KANK1: variants seen among roughly 807,000 people sequenced by gnomAD.
KANK1 encodes KN motif and ankyrin repeat domain-containing protein 1.
A neutral mutation model predicts 106.2 loss-of-function variants in KANK1; 109 were observed. The ratio of observed to expected loss-of-function variants is 1.03; its 90% CI spans 0.88 to 1.20. The LOEUF is 1.20. KANK1 is among the 50% of genes most tolerant of loss of function. KANK1 has a pLI of 0.00. For synonymous variants in KANK1, 873 were observed against 652.2 expected (o/e 1.34, Z -5.16); for missense variants, 2,399 against 1,710.7 (o/e 1.40, Z -7.10).
chr9:491,939 C>G (rs544175579), intron 3 of KANK1: 19 of 152,358 alleles, frequency 1.2e-4, no homozygotes, highest in African/African-American at 4.3e-4. Flanking sequence ...ACGTGAGTTA[C>G]TTCTCCTTGC....
chr9:745,075 C>T (rs1338654486), intron 11 of KANK1, 98 bp from the exon 12 acceptor site: 3 of 1,547,040 alleles, frequency 1.9e-6, no homozygotes, highest in Non-Finnish European at 2.6e-6. Context: ...CTCACAGCTG[C>T]TTGTTGCCTG....
Position 649,047 on chromosome 9 carries a change from G to A in KANK1, c.-83-27843G>A, listed in dbSNP as rs75371922. On this transcript the variant is annotated intron_variant, in intron 1 of 11. Coordinates refer to ENST00000382297, the MANE Select transcript of KANK1 (RefSeq NM_015158.5). ...AGCACAGCTTCATCTGACATCTGAC[G>A]TTATTGTCAGCCTTTCTTAGTACCC... Among the ~76,000 whole-genome samples, 603 of 152,198 alleles carry A rather than the reference G, an allele frequency of 4.0e-3. 1 individual carries two copies. Among genetic ancestry groups the A allele is most frequent in the African/African-American group, 0.014 (565 of 41,494 alleles).
chr9:737,358 T>G (rs1233148789), intron 7 of KANK1, among the ~76,000 whole-genome samples: 1 of 152,248 alleles, frequency 6.6e-6, no homozygotes, highest in East Asian at 1.9e-4. Flanking sequence ...GAGGACTTCT[T>G]GGGTTCTGGT....
intron 1 of KANK1, among the ~76,000 whole-genome samples, chr9:585,725 C>T (rs748254990): frequency 2.0e-5 from 3 of 151,992 alleles, no homozygotes; most frequent in Non-Finnish European, 4.4e-5. Flanking sequence ...GCTGGGGCTT[C>T]GGATTCAAAC....
intron 3 of KANK1, among the ~76,000 whole-genome samples, chr9:488,764 C>G (rs2058333533): frequency 6.6e-6 from 1 of 152,164 alleles, no homozygotes; most frequent in East Asian, 1.9e-4. Context: ...TATGTACAAT[C>G]TCAAGCAGTG....
upstream of KANK1, among the ~76,000 whole-genome samples, chr9:502,717 G>T (rs150705011): frequency 1.3e-5 from 2 of 152,172 alleles, no homozygotes; most frequent in East Asian, 3.9e-4. Context: ...GTAGACATGG[G>T]GTTTCACCAT....
At chr9:619,303 A>C (rs997528510) in intron 1 of KANK1, among the ~76,000 whole-genome samples, 2 of 152,226 alleles carry the variant, frequency 1.3e-5, no homozygotes, top group African/African-American at 4.8e-5. Context: ...CACACTGTTT[A>C]GTTTATCTAG....
chr9:726,827 G>T (rs910800193), intron 3 of KANK1, among the ~76,000 whole-genome samples: 6 of 152,076 alleles, frequency 3.9e-5, no homozygotes. Context: ...AGGCATGGTG[G>T]CAGGTGCCCA....
chr9:657,503 A>G (rs899347255), intron 1 of KANK1, among the ~76,000 whole-genome samples: 1 of 151,810 alleles, frequency 6.6e-6, no homozygotes, highest in African/African-American at 2.4e-5. Context: ...AACTCTCACC[A>G]ATGTAGGGTT....
intron 1 of KANK1, among the ~76,000 whole-genome samples, chr9:513,883 G>C (rs543770533): frequency 6.6e-6 from 1 of 152,120 alleles, no homozygotes; most frequent in Non-Finnish European, 1.5e-5. Flanking sequence ...TGGGCTTGCT[G>C]GTGCACACCT....
At chr9:599,352 C>G (rs983170633) in intron 1 of KANK1, among the ~76,000 whole-genome samples, 2 of 151,676 alleles carry the variant, frequency 1.3e-5, no homozygotes, top group Non-Finnish European at 2.9e-5. Flanking sequence ...AAAATAATCT[C>G]TAGTGGTTAT....
intron 1 of KANK1, among the ~76,000 whole-genome samples, chr9:571,596 A>G (rs111247581): frequency 0.011 from 1,669 of 152,212 alleles, 8 homozygotes; most frequent in Middle Eastern, 0.027. Flanking sequence ...AACGTTTTTT[A>G]AAAAGAAAAA....
At chr9:621,464 C>G (rs554292621) in intron 1 of KANK1, among the ~76,000 whole-genome samples, 26 of 152,232 alleles carry the variant, frequency 1.7e-4, no homozygotes, top group African/African-American at 6.0e-4. Context: ...ACAGGGATTT[C>G]TGATCAAGTG....
At chr9:660,261 A>G (rs943433526) in intron 1 of KANK1, 3 of 239,612 alleles carry the variant, frequency 1.3e-5, no homozygotes, top group Admixed American at 4.0e-5. Flanking sequence ...GCACAAGAAC[A>G]TGTGCCAGTT....
At chr9:542,142 A>G (rs1403809499) in intron 1 of KANK1, among the ~76,000 whole-genome samples, 2 of 144,234 alleles carry the variant, frequency 1.4e-5, no homozygotes, top group Non-Finnish European at 1.5e-5. Flanking sequence ...TAGAAGACAT[A>G]CAGATGACCA....
intron 1 of KANK1, among the ~76,000 whole-genome samples, chr9:510,300 G>T (rs1587363249): frequency 6.6e-6 from 1 of 152,228 alleles, no homozygotes; most frequent in East Asian, 1.9e-4. Context: ...GTTTACAAAG[G>T]TATTGAGCCA....
intron 1 of KANK1, among the ~76,000 whole-genome samples, chr9:519,743 A>AGATTAATTAC (rs1491402821): frequency 6.6e-6 from 1 of 151,676 alleles, no homozygotes; most frequent in Non-Finnish European, 1.5e-5. Flanking sequence ...ATGCCTTTGG[A>AGATTAATTAC]ATGGTGAGCT....
intron 3 of KANK1, among the ~76,000 whole-genome samples, chr9:497,607 A>G (rs2058477954): frequency 6.6e-6 from 1 of 152,134 alleles, no homozygotes; most frequent in Non-Finnish European, 1.5e-5. Flanking sequence ...GGAGAGTATA[A>G]ATTGGAAGGC....
At chr9:723,727 T>C (rs1829954017) in intron 3 of KANK1, among the ~76,000 whole-genome samples, 1 of 152,176 alleles carries the variant, frequency 6.6e-6, no homozygotes, top group South Asian at 2.1e-4. Flanking sequence ...TAAAAGACTT[T>C]AAAATAATAG....
Sources: gnomAD v4.1 joint callset for allele counts (sites outside exome capture counted in the v4.1 genomes callset) on GRCh38, gnomAD v4.1.1 for gene constraint, MANE v1.5 for transcripts, NCBI Gene and HGNC (gene_info 2026-07-23, HGNC 2026-07-21) for gene names.